The following SLC44A5 variants were observed in gnomAD, a reference collection of about 807,000 sequenced individuals.
SLC44A5 encodes the protein solute carrier family 44 member 5, also known as choline transporter-like protein 5.
In SLC44A5, 57 loss-of-function variants were observed where a neutral mutation model predicts 101.8. That is an observed-to-expected ratio of 0.56 (90% CI 0.45 to 0.70). The LOEUF (loss-of-function observed/expected upper bound fraction) is 0.70. Ranked by LOEUF, SLC44A5 falls within the 30% of genes least tolerant of loss-of-function variation. SLC44A5 has a pLI of 0.00. For synonymous variants in SLC44A5, 281 were observed against 290.9 expected, an observed-to-expected ratio of 0.97 and a Z score of 0.35; for missense variants, 737 against 853.1, an observed-to-expected ratio of 0.86 and a Z score of 1.70.
intron 4 of SLC44A5, among the ~76,000 whole-genome samples, chr1:75,330,106 TAC>T (rs59962302): frequency 0.048 from 6,195 of 128,138 alleles, 279 homozygotes; most frequent in African/African-American, 0.12. Flanking sequence ...TATATATATA[TAC>T]ACACACACAC....
At chr1:75,426,018 G>T (rs77243871) in intron 2 of SLC44A5, among the ~76,000 whole-genome samples, 1 of 151,284 alleles carries the variant, frequency 6.6e-6, no homozygotes, top group African/African-American at 2.4e-5. Flanking sequence ...ATGCCTGAGG[G>T]TTCAAAGGAA....
At chr1:75,260,993 C>A (rs1271672933) in intron 6 of SLC44A5, among the ~76,000 whole-genome samples, 2 of 151,798 alleles carry the variant, frequency 1.3e-5, no homozygotes, top group African/African-American at 2.4e-5. Context: ...AAAGACACAC[C>A]ATACCAGAAT....
chr1:75,558,775 T>C (rs1672357861), intron 1 of SLC44A5, among the ~76,000 whole-genome samples: 1 of 152,128 alleles, frequency 6.6e-6, no homozygotes. Context: ...TTATGTAGAA[T>C]TAAACTCATT....
intron 2 of SLC44A5, among the ~76,000 whole-genome samples, chr1:75,403,675 A>G (rs1225900778): frequency 6.6e-6 from 1 of 152,156 alleles, no homozygotes; most frequent in East Asian, 1.9e-4. Flanking sequence ...GGATGCCCAC[A>G]CAAAAACCCA....
intron 3 of SLC44A5, among the ~76,000 whole-genome samples, chr1:75,359,230 CTTTTTTT>C (rs58243679): frequency 1.8e-5 from 2 of 108,670 alleles, no homozygotes; most frequent in Non-Finnish European, 3.7e-5. Context: ...ATTTTCTTTT[CTTTTTTT>C]TTTTTTTTTT....
At chr1:75,213,636 T>A (rs1646902274) in intron 22 of SLC44A5, 69 bp downstream of exon 22, 2 of 1,129,424 alleles carry the variant, frequency 1.8e-6, no homozygotes, top group Admixed American at 3.9e-5. Flanking sequence ...AAATTTCTGT[T>A]GTTTAAGTCA....
the SLC44A5 span, among the ~76,000 whole-genome samples, chr1:75,703,475 C>T: frequency 3.4e-4 from 51 of 150,286 alleles, no homozygotes; most frequent in African/African-American, 1.2e-3. Flanking sequence ...AACACATGGA[C>T]ACAGGAAGGG....
the SLC44A5 span, among the ~76,000 whole-genome samples, chr1:75,639,174 T>A: frequency 6.6e-6 from 1 of 152,092 alleles, no homozygotes; most frequent in African/African-American, 2.4e-5. Context: ...ACTGTATTCT[T>A]GAAAAATGCT....
At chr1:75,343,839 T>C (rs1658058232) in intron 3 of SLC44A5, among the ~76,000 whole-genome samples, 1 of 152,194 alleles carries the variant, frequency 6.6e-6, no homozygotes, top group African/African-American at 2.4e-5. Context: ...GCCTGTCATT[T>C]CATTCAAAGA....
the SLC44A5 span, among the ~76,000 whole-genome samples, chr1:75,703,470 A>T: frequency 3.3e-5 from 5 of 149,924 alleles, no homozygotes; most frequent in East Asian, 8.1e-4. Flanking sequence ...ATAAGAACAC[A>T]TGGACACAGG....
At chr1:75,432,757 G>GA (rs985320142) in intron 2 of SLC44A5, among the ~76,000 whole-genome samples, 10 of 150,204 alleles carry the variant, frequency 6.7e-5, no homozygotes, top group African/African-American at 2.0e-4. Flanking sequence ...CTGTTCACCT[G>GA]AAAAAAAAAT....
At chr1:75,589,097 CTT>C (rs1674194209) in intron 1 of SLC44A5, among the ~76,000 whole-genome samples, 1 of 152,148 alleles carries the variant, frequency 6.6e-6, no homozygotes, top group Admixed American at 6.5e-5. Flanking sequence ...CACCCTCTCT[CTT>C]TCTCTCTCTC....
intron 10 of SLC44A5, 21 bp from the exon 11 acceptor site, chr1:75,237,091 A>G: frequency 6.7e-7 from 1 of 1,485,154 alleles, no homozygotes; most frequent in Non-Finnish European, 9.4e-7. Flanking sequence ...AGAAGGGAAA[A>G]AATCAATTAT....
intron 2 of SLC44A5, among the ~76,000 whole-genome samples, chr1:75,452,159 G>C (rs1009801725): frequency 6.6e-5 from 10 of 152,090 alleles, no homozygotes; most frequent in African/African-American, 2.4e-4. Context: ...AAAAAGGTCA[G>C]ATCACATACA....
At chr1:75,624,885 C>A in the SLC44A5 span, among the ~76,000 whole-genome samples, 22 of 152,170 alleles carry the variant, frequency 1.4e-4, no homozygotes, top group Non-Finnish European at 2.6e-4. Flanking sequence ...TTCTAAATTA[C>A]CCTTTATATC....
upstream of SLC44A5, among the ~76,000 whole-genome samples, chr1:75,615,448 C>CACACACACACACACACACAT (rs1675836961): frequency 6.4e-5 from 2 of 31,176 alleles, no homozygotes; most frequent in Non-Finnish European, 2.9e-4. Flanking sequence ...CACACACACA[C>CACACACACACACACACACAT]ACACACACAC....
At chr1:75,603,908 A>G (rs1444897872) in intron 1 of SLC44A5, among the ~76,000 whole-genome samples, 2 of 151,564 alleles carry the variant, frequency 1.3e-5, no homozygotes, top group Non-Finnish European at 2.9e-5. Flanking sequence ...TAGATTCTAG[A>G]TATTAGACCT....
the SLC44A5 span, among the ~76,000 whole-genome samples, chr1:75,650,943 T>C: frequency 6.6e-6 from 1 of 152,210 alleles, no homozygotes; most frequent in African/African-American, 2.4e-5. Context: ...ATAATAAAAC[T>C]GCTCAGATGT....
At chr1:75,567,917 A>C (rs1204104687) in intron 1 of SLC44A5, among the ~76,000 whole-genome samples, 2 of 152,178 alleles carry the variant, frequency 1.3e-5, no homozygotes, top group South Asian at 2.1e-4. Flanking sequence ...ATTTCTCTGA[A>C]ATAGTAGCTC....
Sources: allele counts gnomAD v4.1 joint callset (sites outside exome capture counted in the v4.1 genomes callset), GRCh38; gene constraint gnomAD v4.1.1; transcripts MANE v1.5; gene names NCBI Gene and HGNC (gene_info 2026-07-23, HGNC 2026-07-21).